The following NDE1 variants were observed in gnomAD, a reference collection of about 807,000 sequenced individuals.
The protein encoded by NDE1 is nuclear distribution protein nudE homolog 1.
NDE1 carries 28 observed loss-of-function variants against 43.4 expected under a neutral mutation model. That is an observed-to-expected ratio of 0.65 (90% CI 0.48 to 0.89). The LOEUF is 0.89. NDE1 is among the 40% of genes least tolerant of loss of function. The probability of loss-of-function intolerance (pLI) is 0.00; values close to 1 mark genes in which losing one functional copy is unlikely to be tolerated. For synonymous variants in NDE1, 184 were observed against 172.0 expected (o/e 1.07, Z -0.55); for missense variants, 441 against 434.1 (o/e 1.02, Z -0.14).
chr16:15,658,389 A>G (rs974187739), intron 1 of NDE1, among the ~76,000 whole-genome samples: 1 of 152,172 alleles, frequency 6.6e-6, no homozygotes, highest in African/African-American at 2.4e-5. Context: ...GGCTCACCCT[A>G]TCATTGGCTC....
At chr16:15,706,550 A>G (rs933137416) in intron 8 of NDE1, among the ~76,000 whole-genome samples, 1 of 152,100 alleles carries the variant, frequency 6.6e-6, no homozygotes, top group Non-Finnish European at 1.5e-5. Flanking sequence ...TCTACTAAAT[A>G]TACTAAATTA....
In NDE1 at chr16:15,725,515, T is replaced by C. The variant is rs553612238; in HGVS notation, c.*1264T>C. On this transcript the variant is annotated 3_prime_UTR_variant, in exon 9 of 9. Transcript: ENST00000396354. ...GCCCTAAAGGTAAAAACGTCCTCTC[T>C]GTATTCTCTGGCTTTTACTCCCTAG... 83 of 421,154 alleles carry C rather than the reference T, an allele frequency of 2.0e-4. No homozygotes were observed. The highest frequency in any genetic ancestry group is 1.4e-3 in the African/African-American group (70 of 49,020). The allele number at this position is 421,154 out of a possible 1,614,324, so 26.1% of individuals were successfully genotyped here.
At chr16:15,664,405 G>A (rs1239004301) in intron 1 of NDE1, among the ~76,000 whole-genome samples, 4 of 151,916 alleles carry the variant, frequency 2.6e-5, no homozygotes, top group Non-Finnish European at 5.9e-5. Flanking sequence ...CACTCAAGCT[G>A]GAGTGCAGTG....
intron 1 of NDE1, among the ~76,000 whole-genome samples, chr16:15,662,790 G>T (rs115244190): frequency 0.043 from 6,470 of 152,104 alleles, 458 homozygotes; most frequent in African/African-American, 0.15. Flanking sequence ...TGTTACCCAG[G>T]CTGGTCTCAA....
intron 1 of NDE1, among the ~76,000 whole-genome samples, chr16:15,659,032 C>T (rs977178672): frequency 3.3e-5 from 5 of 152,036 alleles, no homozygotes; most frequent in African/African-American, 1.2e-4. Context: ...ATGAGTGGGT[C>T]GGGAAATAGC....
intron 8 of NDE1, chr16:15,714,550 C>G (rs369697434): frequency 4.9e-6 from 2 of 406,790 alleles, no homozygotes; most frequent in Non-Finnish European, 9.2e-6. Flanking sequence ...GGTGAAGTGG[C>G]GGGGGGTGGT....
intron 8 of NDE1, chr16:15,704,171 T>C (rs1205602940): frequency 1.2e-6 from 2 of 1,608,682 alleles, no homozygotes; most frequent in South Asian, 2.2e-5. Context: ...ATCTTCATGG[T>C]TGGGATAGAT....
rs370703995 is a variant in NDE1, at chr16:15,719,562, C to T, written c.948-4629C>T. On this transcript the variant is annotated intron_variant, in intron 8 of 8. Coordinates refer to ENST00000396354, the MANE Select transcript of NDE1 (RefSeq NM_017668.3). ...TACCGTGACACCCGCATCTGAGGCTCTCCTAGCAAGGCGAGGCTTTACCTC... is the reference window on the plus strand; with the variant it reads ...TACCGTGACACCCGCATCTGAGGCTTTCCTAGCAAGGCGAGGCTTTACCTC... 6 of 1,613,544 alleles carry T rather than the reference C, an allele frequency of 3.7e-6. No homozygotes were observed. The Admixed American group carries it at 5.0e-5, about 13-fold the overall frequency.
chr16:15,650,463 C>T (rs1366508146), intron 1 of NDE1, among the ~76,000 whole-genome samples, 169 bp downstream of exon 1: 1 of 152,238 alleles, frequency 6.6e-6, no homozygotes, highest in Admixed American at 6.5e-5. Flanking sequence ...CCTGGACTCC[C>T]CCGGTCCCTG....
chr16:15,667,629 T>TG (rs1196756727), intron 3 of NDE1, among the ~76,000 whole-genome samples, 190 bp downstream of exon 3: 9 of 142,146 alleles, frequency 6.3e-5, no homozygotes, highest in South Asian at 4.6e-4. Flanking sequence ...TGCTTTTTGT[T>TG]TTGTTTTTTT....
chr16:15,691,755 C>T (rs2151121907), intron 6 of NDE1, among the ~76,000 whole-genome samples: 1 of 151,712 alleles, frequency 6.6e-6, no homozygotes. Flanking sequence ...ATTCTCCCAC[C>T]TCATCCTCCG....
At chr16:15,663,564 C>G (rs1334582825) in intron 1 of NDE1, among the ~76,000 whole-genome samples, 1 of 152,072 alleles carries the variant, frequency 6.6e-6, no homozygotes, top group Non-Finnish European at 1.5e-5. Context: ...TTCACATGCT[C>G]CTCATGTGTC....
intron 1 of NDE1, 63 bp from the exon 2 acceptor site, chr16:15,664,673 C>A: frequency 2.2e-4 from 141 of 626,770 alleles, no homozygotes; most frequent in Non-Finnish European, 2.5e-4. Flanking sequence ...TTTTTTTTTT[C>A]TGTTAAAGGG....
At chr16:15,697,553 AAAT>A (rs1487069184) in intron 8 of NDE1, among the ~76,000 whole-genome samples, 1 of 152,140 alleles carries the variant, frequency 6.6e-6, no homozygotes, top group East Asian at 2.0e-4. Flanking sequence ...CCACCAAAAA[AAAT>A]AGAAAAATGA....
chr16:15,722,726 C>T (rs139354226), intron 8 of NDE1, among the ~76,000 whole-genome samples: 2 of 152,232 alleles, frequency 1.3e-5, no homozygotes, highest in South Asian at 4.1e-4. Context: ...GGCATTTAGC[C>T]TCACTGTACA....
At position 15,720,848 on chromosome 16, in the gene NDE1, C is replaced by T; in HGVS notation, c.948-3343C>T. On this transcript the variant is annotated intron_variant, in intron 8 of 8. Transcript: ENST00000396354. Reference sequence around the variant, plus strand: ...CCCCGGCAGCACGCACCTGTCTCTGCAGTTGCCTCCTCTTCTCCTCATTCT... The same window carrying T: ...CCCCGGCAGCACGCACCTGTCTCTGTAGTTGCCTCCTCTTCTCCTCATTCT... 1 of 1,613,654 alleles carries T rather than the reference C, an allele frequency of 6.2e-7. No homozygotes were observed. The highest frequency in any genetic ancestry group is 8.5e-7 in the Non-Finnish European group (1 of 1,180,028).
intron 7 of NDE1, chr16:15,694,486 C>G: frequency 8.0e-7 from 1 of 1,248,422 alleles, no homozygotes; most frequent in Non-Finnish European, 1.1e-6. Flanking sequence ...GCTTGGACCA[C>G]AGGTGTGCGC....
chr16:15,670,821 C>T (rs1271437910), intron 3 of NDE1, among the ~76,000 whole-genome samples: 1 of 151,860 alleles, frequency 6.6e-6, no homozygotes, highest in Non-Finnish European at 1.5e-5. Flanking sequence ...GAATGGGTGT[C>T]GGGTGGACCT....
intron 8 of NDE1, among the ~76,000 whole-genome samples, chr16:15,698,706 C>A (rs1330555134): frequency 6.6e-6 from 1 of 151,688 alleles, no homozygotes; most frequent in African/African-American, 2.4e-5. Flanking sequence ...ACTAAAAATA[C>A]GAAAATTAGC....
Sources: gnomAD v4.1 joint callset for allele counts (sites outside exome capture counted in the v4.1 genomes callset) on GRCh38, gnomAD v4.1.1 for gene constraint, MANE v1.5 for transcripts, NCBI Gene and HGNC (gene_info 2026-07-23, HGNC 2026-07-21) for gene names.